The following SH3KBP1 variants were observed in gnomAD, a reference collection of about 807,000 sequenced individuals.
SH3KBP1 encodes the protein SH3 domain containing kinase binding protein 1.
In SH3KBP1, 8 loss-of-function variants were observed where a neutral mutation model predicts 50.1. That is an observed-to-expected ratio of 0.16 (90% CI 0.09 to 0.29). The LOEUF (loss-of-function observed/expected upper bound fraction) is 0.29, where lower values mean the gene tolerates loss of function less well. Ranked by LOEUF, SH3KBP1 falls within the 10% of genes least tolerant of loss-of-function variation. The pLI is 1.00. For missense variants in SH3KBP1, 377 were observed against 535.2 expected (o/e 0.70, Z 2.92); for synonymous variants, 227 against 218.6 (o/e 1.04, Z -0.34).
intron 6 of SH3KBP1, among the ~76,000 whole-genome samples, chrX:19,673,137 C>G (rs1300871006): frequency 9.1e-6 from 1 of 109,423 alleles, no homozygotes; most frequent in Admixed American, 9.7e-5. Context: ...AGAGAGGAAG[C>G]CGGGTGTGAG....
intron 15 of SH3KBP1, among the ~76,000 whole-genome samples, chrX:19,543,915 GA>G (rs1231012321): frequency 9.0e-6 from 1 of 111,160 alleles, no homozygotes; most frequent in Non-Finnish European, 1.9e-5. Context: ...GGCGAGGAGG[GA>G]AAAGAGTGGG....
chrX:19,760,785 T>G (rs2065398167), intron 2 of SH3KBP1, among the ~76,000 whole-genome samples: 7 of 110,785 alleles, frequency 6.3e-5, no homozygotes. Flanking sequence ...GTCCCAGGAT[T>G]CTCTGGCTCC....
At chrX:19,672,489 A>G (rs1433016108) in intron 6 of SH3KBP1, among the ~76,000 whole-genome samples, 1 of 111,842 alleles carries the variant, frequency 8.9e-6, no homozygotes, top group Non-Finnish European at 1.9e-5. Flanking sequence ...AATTAATATG[A>G]TGTAATGAGA....
chrX:19,742,098 C>CT (rs1463939106), intron 3 of SH3KBP1, among the ~76,000 whole-genome samples: 1 of 110,696 alleles, frequency 9.0e-6, no homozygotes, highest in Non-Finnish European at 1.9e-5. Context: ...ATAATTTTTT[C>CT]TTTTTTTTGT....
intron 2 of SH3KBP1, among the ~76,000 whole-genome samples, chrX:19,766,713 G>A (rs1241427255): frequency 2.8e-5 from 3 of 107,973 alleles, no homozygotes; most frequent in Admixed American, 9.9e-5. Flanking sequence ...CCATGGTCTC[G>A]ACCTCCTTAC....
chrX:19,614,804 G>A lies in SH3KBP1; in HGVS notation c.898-6759C>T, dbSNP rs761165194. ...GTGATGCCAATGCCGCTACTCCGTG[G>A]ACCATACTTTGAGTCACAAGGTTCC... On this transcript the variant is annotated intron_variant, in intron 8 of 17. Coordinates refer to ENST00000397821, the MANE Select transcript of SH3KBP1 (RefSeq NM_031892.3). 1.9e-3 allele frequency among the ~76,000 whole-genome samples: 212 copies of A among 112,010 alleles called. 2 individuals carry two copies. Among genetic ancestry groups the A allele is most frequent in the African/African-American group, 6.0e-3 (186 of 30,804 alleles).
At chrX:19,611,657 A>G (rs2067420744) in intron 8 of SH3KBP1, among the ~76,000 whole-genome samples, 2 of 111,590 alleles carry the variant, frequency 1.8e-5, no homozygotes, top group Admixed American at 1.9e-4. Context: ...CCCGGCCCAG[A>G]ATAACTTTAG....
intron 12 of SH3KBP1, among the ~76,000 whole-genome samples, chrX:19,587,429 C>A (rs949244742): frequency 9.0e-6 from 1 of 110,626 alleles, no homozygotes; most frequent in Non-Finnish European, 1.9e-5. Context: ...ACAATGTGAA[C>A]GTACTTAATG....
At chrX:19,598,272 TATAG>T (rs2148039292) in intron 9 of SH3KBP1, among the ~76,000 whole-genome samples, 1 of 108,520 alleles carries the variant, frequency 9.2e-6, no homozygotes, top group African/African-American at 3.3e-5. Context: ...TTTATTTATT[TATAG>T]AGATGGAGTC....
intron 12 of SH3KBP1, among the ~76,000 whole-genome samples, chrX:19,585,618 G>A (rs919065821): frequency 9.9e-5 from 11 of 111,557 alleles, no homozygotes; most frequent in African/African-American, 3.3e-4. Flanking sequence ...CAGGCAAGGA[G>A]GGGCGAGCAC....
At chrX:19,616,209 G>T (rs760217992) in intron 8 of SH3KBP1, among the ~76,000 whole-genome samples, 6 of 110,983 alleles carry the variant, frequency 5.4e-5, no homozygotes, top group African/African-American at 9.8e-5. Context: ...TGATCTGCCC[G>T]CCTCGGCCCT....
intron 4 of SH3KBP1, among the ~76,000 whole-genome samples, chrX:19,702,229 GC>G (rs2063550063): frequency 8.9e-6 from 1 of 112,084 alleles, no homozygotes; most frequent in African/African-American, 3.2e-5. Flanking sequence ...TAACTGATCA[GC>G]CTTTGAATAA....
intron 11 of SH3KBP1, among the ~76,000 whole-genome samples, chrX:19,590,225 G>A (rs1774706263): frequency 8.9e-6 from 1 of 112,315 alleles, no homozygotes; most frequent in Admixed American, 9.4e-5. Flanking sequence ...ACAGGGGCCA[G>A]AGGAGGAAGG....
chrX:19,627,588 A>G (rs777493220), intron 8 of SH3KBP1, among the ~76,000 whole-genome samples: 66 of 112,481 alleles, frequency 5.9e-4, no homozygotes, highest in Non-Finnish European at 1.1e-3. Context: ...AAAACAAACC[A>G]TTCAGGTTGC....
intron 16 of SH3KBP1, among the ~76,000 whole-genome samples, chrX:19,541,591 TC>T: frequency 8.9e-6 from 1 of 112,455 alleles, no homozygotes; most frequent in Admixed American, 9.3e-5. Context: ...AAGAAGTGGT[TC>T]ATGTACATAC....
chrX:19,849,248 C>A (rs1410095775), intron 1 of SH3KBP1, among the ~76,000 whole-genome samples: 1 of 111,610 alleles, frequency 9.0e-6, no homozygotes, highest in African/African-American at 3.3e-5. Flanking sequence ...CACCAGTTTA[C>A]AGGGGATACA....
chrX:19,747,811 C>T (rs762772861), intron 2 of SH3KBP1: 7 of 301,651 alleles, frequency 2.3e-5, no homozygotes, highest in South Asian at 6.1e-5. Flanking sequence ...CCTAACTAGG[C>T]GAAGCTCAGC....
intron 2 of SH3KBP1, among the ~76,000 whole-genome samples, chrX:19,810,688 G>A (rs1330523736): frequency 8.9e-6 from 1 of 112,167 alleles, no homozygotes; most frequent in African/African-American, 3.2e-5. Context: ...AGACTTGATT[G>A]TCACCTTAAA....
At chrX:19,778,447 AG>A (rs1393306721) in intron 2 of SH3KBP1, among the ~76,000 whole-genome samples, 10 of 107,141 alleles carry the variant, frequency 9.3e-5, no homozygotes, top group Non-Finnish European at 1.9e-4. Flanking sequence ...AAAAAAAAAA[AG>A]AAAAGAAAAA....
Sources: allele counts gnomAD v4.1 joint callset (sites outside exome capture counted in the v4.1 genomes callset), GRCh38; gene constraint gnomAD v4.1.1; transcripts MANE v1.5; gene names NCBI Gene and HGNC (gene_info 2026-07-23, HGNC 2026-07-21).